Variants in LPP observed in about 807,000 individuals in gnomAD.
The protein encoded by LPP is lipoma-preferred partner.
In LPP, 38 loss-of-function variants were observed where a neutral mutation model predicts 60.4. The ratio of observed to expected loss-of-function variants is 0.63; its 90% CI spans 0.49 to 0.83. The LOEUF (loss-of-function observed/expected upper bound fraction) is 0.83. Among genes scored for constraint, LPP ranks in the 40% least tolerant of loss-of-function variants. LPP has a pLI of 0.00. For missense variants in LPP, 902 were observed against 783.6 expected (o/e 1.15, Z -1.80); for synonymous variants, 328 against 290.8 (o/e 1.13, Z -1.30).
chr3:188,295,221 A>G (rs911508369), intron 2 of LPP, among the ~76,000 whole-genome samples: 1 of 152,238 alleles, frequency 6.6e-6, no homozygotes, highest in Non-Finnish European at 1.5e-5. Flanking sequence ...AAGTGGGTGT[A>G]TTAATATCAG....
At chr3:188,618,013 AC>A (rs1303258998) in intron 7 of LPP, among the ~76,000 whole-genome samples, 1 of 152,218 alleles carries the variant, frequency 6.6e-6, no homozygotes, top group African/African-American at 2.4e-5. Flanking sequence ...AGAAATTTGA[AC>A]CATTATTGAT....
chr3:188,299,434 C>T (rs1009126751), intron 2 of LPP, among the ~76,000 whole-genome samples: 1 of 152,152 alleles, frequency 6.6e-6, no homozygotes, highest in Non-Finnish European at 1.5e-5. Flanking sequence ...AGCATTACGT[C>T]GTCTTAAGCA....
chr3:188,815,194 C>G (rs1171374650), intron 9 of LPP, among the ~76,000 whole-genome samples: 1 of 152,160 alleles, frequency 6.6e-6, no homozygotes, highest in Non-Finnish European at 1.5e-5. Flanking sequence ...GATAAGCAAT[C>G]TTTATTATGC....
chr3:188,351,678 T>C (rs908400639), intron 3 of LPP, among the ~76,000 whole-genome samples: 1 of 152,182 alleles, frequency 6.6e-6, no homozygotes, highest in Non-Finnish European at 1.5e-5. Flanking sequence ...ATAGGACATT[T>C]AGCAGAAGCT....
chr3:188,717,736 A>C (rs1391897696), intron 8 of LPP, among the ~76,000 whole-genome samples: 1 of 152,198 alleles, frequency 6.6e-6, no homozygotes. Flanking sequence ...TGTTTACAGC[A>C]CTAAATAAAT....
intron 6 of LPP, among the ~76,000 whole-genome samples, chr3:188,606,750 T>C (rs543876625): frequency 6.6e-6 from 1 of 152,068 alleles, no homozygotes; most frequent in Non-Finnish European, 1.5e-5. Context: ...TAGAAAAAAT[T>C]TAAGGTCAGA....
intron 3 of LPP, among the ~76,000 whole-genome samples, chr3:188,389,459 G>C (rs1779151748): frequency 6.6e-6 from 1 of 152,140 alleles, no homozygotes; most frequent in African/African-American, 2.4e-5. Context: ...TTGACCTCCT[G>C]CTTAGTTTCC....
chr3:188,425,783 T>A (rs998188674), intron 4 of LPP, among the ~76,000 whole-genome samples: 1 of 152,198 alleles, frequency 6.6e-6, no homozygotes, highest in African/African-American at 2.4e-5. Context: ...TTCTGTGGGA[T>A]CATTGGTGAT....
chr3:188,490,746 C>T (rs1438270941), intron 5 of LPP, among the ~76,000 whole-genome samples: 2 of 115,288 alleles, frequency 1.7e-5, no homozygotes, highest in Non-Finnish European at 3.6e-5. Context: ...AAAACTGGCA[C>T]TGGAATTTTT....
chr3:188,321,523 A>G (rs964528030), intron 2 of LPP, among the ~76,000 whole-genome samples: 1 of 152,128 alleles, frequency 6.6e-6, no homozygotes, highest in African/African-American at 2.4e-5. Flanking sequence ...TAAAAGGAGA[A>G]GCTTCAACAG....
chr3:188,700,899 G>T (rs933665418), intron 7 of LPP, among the ~76,000 whole-genome samples: 1 of 151,966 alleles, frequency 6.6e-6, no homozygotes, highest in African/African-American at 2.4e-5. Context: ...GCACAAATGG[G>T]CACAAAAAAA....
At chr3:188,502,907 G>A (rs528690582) in intron 5 of LPP, among the ~76,000 whole-genome samples, 3 of 152,124 alleles carry the variant, frequency 2.0e-5, no homozygotes, top group African/African-American at 7.2e-5. Context: ...CAGAATAGAT[G>A]CTTCAAGTAT....
intron 10 of LPP, among the ~76,000 whole-genome samples, chr3:188,868,970 G>A (rs1300764866): frequency 6.6e-6 from 1 of 152,196 alleles, no homozygotes; most frequent in Non-Finnish European, 1.5e-5. Flanking sequence ...CAGGGAGAAA[G>A]GGCTGAACTC....
intron 3 of LPP, among the ~76,000 whole-genome samples, chr3:188,391,514 CA>C (rs1440664874): frequency 6.6e-6 from 1 of 152,068 alleles, no homozygotes; most frequent in Non-Finnish European, 1.5e-5. Context: ...CTATAGGAAA[CA>C]AACCACTTTA....
At chr3:188,691,752 T>C (rs1414567311) in intron 7 of LPP, among the ~76,000 whole-genome samples, 1 of 152,238 alleles carries the variant, frequency 6.6e-6, no homozygotes, top group Non-Finnish European at 1.5e-5. Flanking sequence ...TTATTTTCTC[T>C]ATACTTTTCT....
chr3:188,792,263 G>A (rs67922450), intron 9 of LPP, among the ~76,000 whole-genome samples: 21,216 of 152,152 alleles, frequency 0.14, 1,548 homozygotes, highest in Middle Eastern at 0.19. Context: ...TTGGAGAAAC[G>A]TTTTTCATCC....
At chr3:188,582,553 C>G (rs1161532880) in intron 6 of LPP, among the ~76,000 whole-genome samples, 1 of 151,956 alleles carries the variant, frequency 6.6e-6, no homozygotes, top group African/African-American at 2.4e-5. Flanking sequence ...TTTCACTTCC[C>G]ACATTTGGTT....
intron 1 of LPP, among the ~76,000 whole-genome samples, chr3:188,176,999 A>T (rs2148857976): frequency 6.6e-6 from 1 of 152,376 alleles, no homozygotes; most frequent in South Asian, 2.1e-4. Context: ...TAGCTTAAGC[A>T]ACAGGAAAGC....
At chr3:188,518,908 G>T (rs979679597) in intron 5 of LPP, among the ~76,000 whole-genome samples, 7 of 151,234 alleles carry the variant, frequency 4.6e-5, no homozygotes, top group Non-Finnish European at 1.0e-4. Context: ...TTTTTTCATA[G>T]CACAGGACTT....
Sources: allele counts gnomAD v4.1 joint callset (sites outside exome capture counted in the v4.1 genomes callset), GRCh38; gene constraint gnomAD v4.1.1; transcripts MANE v1.5; gene names NCBI Gene and HGNC (gene_info 2026-07-23, HGNC 2026-07-21).